NCALD: variants seen among roughly 807,000 people sequenced by gnomAD.
NCALD encodes the protein neurocalcin delta, also known as neurocalcin-delta.
A neutral mutation model predicts 18.6 loss-of-function variants in NCALD; 10 were observed. That is an observed-to-expected ratio of 0.54 (90% CI 0.33 to 0.91). NCALD has a LOEUF of 0.91. NCALD is among the 40% of genes least tolerant of loss of function. NCALD has a pLI of 0.03. For synonymous variants in NCALD, 88 were observed against 87.4 expected (o/e 1.01, Z -0.04); for missense variants, 184 against 247.6 (o/e 0.74, Z 1.72).
chr8:101,942,868 C>T (rs770688512), intron 2 of NCALD, among the ~76,000 whole-genome samples: 2 of 152,162 alleles, frequency 1.3e-5, no homozygotes, highest in African/African-American at 4.8e-5. Context: ...CTGTGACATA[C>T]AGCTTCATCC....
At chr8:102,123,644 A>C (rs930182941) in intron 1 of NCALD, 2 of 152,446 alleles carry the variant, frequency 1.3e-5, no homozygotes, top group African/African-American at 4.8e-5. Context: ...CGCAAGGGAC[A>C]CGAATCTTTC....
chr8:102,038,769 A>G (rs1221965700), intron 1 of NCALD, among the ~76,000 whole-genome samples: 1 of 152,138 alleles, frequency 6.6e-6, no homozygotes, highest in Non-Finnish European at 1.5e-5. Flanking sequence ...CACATCATAT[A>G]TCATCACTTC....
At chr8:101,809,574 T>G (rs1248419944) in intron 4 of NCALD, among the ~76,000 whole-genome samples, 1 of 152,138 alleles carries the variant, frequency 6.6e-6, no homozygotes, top group African/African-American at 2.4e-5. Flanking sequence ...TGAGACAGAG[T>G]CTCACTCTGT....
intron 2 of NCALD, among the ~76,000 whole-genome samples, chr8:101,931,853 G>A (rs568848991): frequency 9.2e-5 from 14 of 152,284 alleles, no homozygotes; most frequent in African/African-American, 3.1e-4. Flanking sequence ...TGGAAAAACA[G>A]AGGCTTGGCT....
In NCALD at chr8:102,081,576, A is replaced by C. The variant is rs202212431; in HGVS notation, c.-210+42661T>G. ...AAAAAAAAAAAAAAAAAAAAAAAAA[A>C]CCCCAAAAAAAACTGGCTTTGCGCA... On this transcript the variant is annotated intron_variant, in intron 1 of 6. Transcript: ENST00000311028. Among the ~76,000 whole-genome samples, 244 of 63,434 alleles carry C rather than the reference A, an allele frequency of 3.8e-3. 5 individuals carry two copies. The highest frequency in any genetic ancestry group is 4.9e-3 in the Admixed American group (36 of 7,350). 41.6% of individuals were successfully genotyped at this position (63,434 alleles called of 152,430 possible). A position where few individuals can be genotyped will look rare whatever the true frequency, so the allele number is the denominator to read the frequency against.
intron 1 of NCALD, among the ~76,000 whole-genome samples, chr8:102,093,103 G>A (rs1366928958): frequency 6.6e-6 from 1 of 151,880 alleles, no homozygotes; most frequent in East Asian, 1.9e-4. Flanking sequence ...AGGCTGCAAT[G>A]AGCCATGATC....
chr8:102,103,774 G>T (rs1303418718), intron 1 of NCALD, among the ~76,000 whole-genome samples: 2 of 152,144 alleles, frequency 1.3e-5, no homozygotes, highest in Non-Finnish European at 2.9e-5. Context: ...AATAACAATT[G>T]TTAAATATGA....
chr8:101,870,228 G>C (rs994928085), intron 4 of NCALD, among the ~76,000 whole-genome samples: 1 of 152,094 alleles, frequency 6.6e-6, no homozygotes, highest in African/African-American at 2.4e-5. Context: ...CAATAGTCTA[G>C]ATATAAAGAA....
At chr8:101,785,001 G>A (rs914445848) in intron 1 of NCALD, among the ~76,000 whole-genome samples, 1 of 152,096 alleles carries the variant, frequency 6.6e-6, no homozygotes, top group Admixed American at 6.6e-5. Context: ...CGGTATTTGA[G>A]GCTCTGCTGT....
intron 1 of NCALD, among the ~76,000 whole-genome samples, chr8:102,075,810 A>T (rs1824325006): frequency 6.6e-6 from 1 of 152,018 alleles, no homozygotes. Flanking sequence ...AAAATTAGCC[A>T]AGCACGGGGG....
chr8:101,925,061 A>G (rs1369427869), intron 2 of NCALD, among the ~76,000 whole-genome samples: 1 of 152,128 alleles, frequency 6.6e-6, no homozygotes, highest in African/African-American at 2.4e-5. Context: ...ATGTATGACA[A>G]AAGAAAAAAA....
intron 4 of NCALD, among the ~76,000 whole-genome samples, chr8:101,848,811 CAAAT>C (rs1186935880): frequency 1.3e-5 from 2 of 152,004 alleles, no homozygotes; most frequent in Non-Finnish European, 2.9e-5. Flanking sequence ...AATTTTAAGA[CAAAT>C]GAATAGAATT....
chr8:101,720,120 T>C (rs1325652617), intron 1 of NCALD, among the ~76,000 whole-genome samples: 1 of 152,222 alleles, frequency 6.6e-6, no homozygotes, highest in Non-Finnish European at 1.5e-5. Context: ...GTTTTATTGC[T>C]AGAATATTTC....
rs529655646 is a variant in NCALD, at chr8:101,808,429, G to A, written c.-20+78712C>T. Among the ~76,000 whole-genome samples, 9 of 152,296 alleles carry A rather than the reference G, an allele frequency of 5.9e-5. No homozygotes were observed. The South Asian group carries it at 1.7e-3, about 28-fold the overall frequency. ...GGCTGCCCTTCAGAGATCTCAAGGA[G>A]CGGCTATTACATCTGTGGCAGCAGT... On this transcript the variant is annotated intron_variant, in intron 4 of 6. Transcript: ENST00000311028.
chr8:101,853,393 G>A (rs888023474), intron 4 of NCALD, among the ~76,000 whole-genome samples: 3 of 152,140 alleles, frequency 2.0e-5, no homozygotes, highest in African/African-American at 7.2e-5. Context: ...AAAAATAAAT[G>A]AGAAGAAGTG....
intron 1 of NCALD, among the ~76,000 whole-genome samples, chr8:102,081,573 A>C (rs923293553): frequency 1.4e-4 from 11 of 77,202 alleles, no homozygotes; most frequent in South Asian, 1.2e-3. Flanking sequence ...AAAAAAAAAA[A>C]AAACCCCAAA....
intron 1 of NCALD, among the ~76,000 whole-genome samples, chr8:101,741,763 C>CAAAAA (rs68064092): frequency 5.7e-5 from 4 of 69,786 alleles, no homozygotes; most frequent in Non-Finnish European, 1.2e-4. Flanking sequence ...CTCATCTCTA[C>CAAAAA]AAAAAAAAAA....
chr8:101,826,246 GTTTCCATC>G (rs935129800), intron 4 of NCALD, among the ~76,000 whole-genome samples: 5 of 152,166 alleles, frequency 3.3e-5, no homozygotes, highest in African/African-American at 4.8e-5. Flanking sequence ...AGGCGGGAGT[GTTTCCATC>G]TTTGATAACA....
intron 2 of NCALD, among the ~76,000 whole-genome samples, chr8:101,946,496 A>G (rs1419461077): frequency 6.6e-6 from 1 of 152,184 alleles, no homozygotes; most frequent in East Asian, 1.9e-4. Context: ...TTTGCACCAA[A>G]ATAAACTCAT....
Sources: allele counts gnomAD v4.1 joint callset (sites outside exome capture counted in the v4.1 genomes callset), GRCh38; gene constraint gnomAD v4.1.1; transcripts MANE v1.5; gene names NCBI Gene and HGNC (gene_info 2026-07-23, HGNC 2026-07-21).